The following ARHGAP24 variants were observed in gnomAD, a reference collection of about 807,000 sequenced individuals.
The protein encoded by ARHGAP24 is Rho GTPase activating protein 24.
Under a neutral mutation model 76.4 loss-of-function variants are expected in ARHGAP24, and 50 were observed. The ratio of observed to expected loss-of-function variants is 0.65; its 90% CI spans 0.52 to 0.83. The LOEUF is 0.83. ARHGAP24 is among the 40% of genes least tolerant of loss of function. The pLI, the probability that ARHGAP24 is intolerant of heterozygous loss-of-function variation, is 0.00. For missense variants in ARHGAP24, 930 were observed against 914.2 expected (o/e 1.02, Z -0.22); for synonymous variants, 345 against 323.3 (o/e 1.07, Z -0.72).
At chr4:85,683,125 G>GGGGGGGGGGGGGGGGGGGGGT (rs1553922590) in intron 2 of ARHGAP24, among the ~76,000 whole-genome samples, 2 of 107,658 alleles carry the variant, frequency 1.9e-5, no homozygotes, top group African/African-American at 3.5e-5. Flanking sequence ...GGTGGGGGGG[G>GGGGGGGGGGGGGGGGGGGGGT]GGTGCGGGGG....
At chr4:85,778,894 A>T in intron 3 of ARHGAP24, 1 of 985,428 alleles carries the variant, frequency 1.0e-6, no homozygotes, top group East Asian at 1.1e-4. Context: ...CTTTAAACTG[A>T]AGGCAGTGGA....
intron 1 of ARHGAP24, among the ~76,000 whole-genome samples, chr4:85,479,206 C>T (rs1722717386): frequency 6.6e-6 from 1 of 152,142 alleles, no homozygotes; most frequent in South Asian, 2.1e-4. Context: ...TCCATACCAC[C>T]CCACACATGC....
chr4:85,974,646 T>C (rs1739220923), intron 6 of ARHGAP24, among the ~76,000 whole-genome samples: 1 of 152,242 alleles, frequency 6.6e-6, no homozygotes, highest in African/African-American at 2.4e-5. Flanking sequence ...TTAAAAATGA[T>C]AACAGCTTCA....
At chr4:85,920,028 A>G (rs924415237) in intron 3 of ARHGAP24, among the ~76,000 whole-genome samples, 2 of 152,210 alleles carry the variant, frequency 1.3e-5, no homozygotes, top group African/African-American at 2.4e-5. Context: ...CATGTGCGGT[A>G]TGTAATTTTA....
At chr4:85,879,640 T>TG (rs1475273626) in intron 3 of ARHGAP24, among the ~76,000 whole-genome samples, 9 of 152,112 alleles carry the variant, frequency 5.9e-5, no homozygotes, top group Non-Finnish European at 1.0e-4. Context: ...CCCTTCTCTG[T>TG]GGAGGATACC....
intron 1 of ARHGAP24, among the ~76,000 whole-genome samples, chr4:85,501,032 C>T (rs1723790606): frequency 1.3e-5 from 2 of 152,112 alleles, no homozygotes; most frequent in Admixed American, 1.3e-4. Flanking sequence ...CATCCATGTC[C>T]CTGCAAAGAC....
chr4:85,899,010 C>T (rs1560704889), intron 3 of ARHGAP24, among the ~76,000 whole-genome samples: 1 of 152,170 alleles, frequency 6.6e-6, no homozygotes, highest in Non-Finnish European at 1.5e-5. Context: ...TGCCAAAGTG[C>T]TGGGATTACA....
At position 85,597,283 on chromosome 4, in the gene ARHGAP24, G is replaced by C. The variant is rs77215269; in HGVS notation, c.180+26562G>C. Among the ~76,000 whole-genome samples, 736 of 152,134 alleles carry C rather than the reference G, an allele frequency of 4.8e-3. 1 individual carries two copies. Among genetic ancestry groups the C allele is most frequent in the African/African-American group, 0.017 (695 of 41,520 alleles). On this transcript the variant is annotated intron_variant, in intron 2 of 9. Coordinates refer to ENST00000395184, the MANE Select transcript of ARHGAP24 (RefSeq NM_001025616.3). ...TGATTTTGCTTTCTTCATTTATAGGGAGTTAATCAAATTCTCCTCCTTTCC... is the reference window on the plus strand; with the variant it reads ...TGATTTTGCTTTCTTCATTTATAGGCAGTTAATCAAATTCTCCTCCTTTCC...
At chr4:85,590,192 G>GCCTTCCTTCCTTCCTTCCTT (rs563217345) in intron 2 of ARHGAP24, among the ~76,000 whole-genome samples, 1 of 111,238 alleles carries the variant, frequency 9.0e-6, no homozygotes, top group African/African-American at 3.4e-5. Flanking sequence ...CTGCCTGCCT[G>GCCTTCCTTCCTTCCTTCCTT]CCTTCCTTCC....
At chr4:85,789,808 A>G (rs942628575) in intron 3 of ARHGAP24, among the ~76,000 whole-genome samples, 2 of 152,142 alleles carry the variant, frequency 1.3e-5, no homozygotes, top group Non-Finnish European at 2.9e-5. Flanking sequence ...CTAAGGATAT[A>G]CTAGAATCTT....
intron 5 of ARHGAP24, among the ~76,000 whole-genome samples, chr4:85,961,274 C>T (rs1243555409): frequency 6.8e-6 from 1 of 146,074 alleles, no homozygotes; most frequent in African/African-American, 2.6e-5. Context: ...ACTAAGAATA[C>T]TTCCATGTTG....
At chr4:85,528,991 T>C (rs1049381597) in intron 1 of ARHGAP24, among the ~76,000 whole-genome samples, 1 of 152,052 alleles carries the variant, frequency 6.6e-6, no homozygotes, top group African/African-American at 2.4e-5. Context: ...GAGGTCAGTA[T>C]TGGGATCTGA....
intron 8 of ARHGAP24, among the ~76,000 whole-genome samples, chr4:85,992,954 A>G (rs967239811): frequency 6.6e-6 from 1 of 152,168 alleles, no homozygotes; most frequent in Non-Finnish European, 1.5e-5. Flanking sequence ...GGACAAATGC[A>G]TAATTTGGAA....
At chr4:85,890,407 C>T (rs894819985) in intron 3 of ARHGAP24, among the ~76,000 whole-genome samples, 2 of 152,114 alleles carry the variant, frequency 1.3e-5, no homozygotes, top group African/African-American at 4.8e-5. Context: ...TTTTAAGAAA[C>T]TAACAGCCTG....
intron 1 of ARHGAP24, among the ~76,000 whole-genome samples, chr4:85,503,680 A>G (rs1056553352): frequency 1.9e-4 from 29 of 151,974 alleles, no homozygotes; most frequent in African/African-American, 5.1e-4. Flanking sequence ...CCTGGATTCA[A>G]TGATTTTTTG....
intron 2 of ARHGAP24, among the ~76,000 whole-genome samples, chr4:85,689,789 T>C (rs1045466697): frequency 6.6e-6 from 1 of 152,218 alleles, no homozygotes; most frequent in African/African-American, 2.4e-5. Flanking sequence ...TTTATAGGTA[T>C]AGAATCACAC....
chr4:85,478,414 A>G (rs1722686361), intron 1 of ARHGAP24, among the ~76,000 whole-genome samples: 1 of 152,222 alleles, frequency 6.6e-6, no homozygotes, highest in African/African-American at 2.4e-5. Context: ...TGGCTTCAGC[A>G]GCTAAGTACA....
At chr4:85,784,777 T>G (rs1320158309) in intron 3 of ARHGAP24, among the ~76,000 whole-genome samples, 1 of 152,130 alleles carries the variant, frequency 6.6e-6, no homozygotes, top group Non-Finnish European at 1.5e-5. Flanking sequence ...CATTTTTCCT[T>G]TTTATTTCCA....
chr4:85,935,983 AG>A (rs1436931034), intron 4 of ARHGAP24, among the ~76,000 whole-genome samples: 1 of 152,220 alleles, frequency 6.6e-6, no homozygotes, highest in Admixed American at 6.5e-5. Context: ...CTACTTAAAA[AG>A]TTTGTGATAG....
Sources: allele counts gnomAD v4.1 joint callset (sites outside exome capture counted in the v4.1 genomes callset), GRCh38; gene constraint gnomAD v4.1.1; transcripts MANE v1.5; gene names NCBI Gene and HGNC (gene_info 2026-07-23, HGNC 2026-07-21).